Variants in ETV5 observed in about 807,000 individuals in gnomAD.
ETV5 encodes ETS translocation variant 5.
Under a neutral mutation model 70.0 loss-of-function variants are expected in ETV5, and 10 were observed. The observed-to-expected ratio is 0.14, with a 90% CI of 0.09 to 0.24. ETV5 has a LOEUF of 0.24. Ranked by LOEUF, ETV5 falls within the 10% of genes least tolerant of loss-of-function variation. The pLI is 1.00. For missense variants in ETV5, 453 were observed against 651.2 expected (o/e 0.70, Z 3.31); for synonymous variants, 216 against 242.2 (o/e 0.89, Z 1.01).
intron 5 of ETV5, among the ~76,000 whole-genome samples, chr3:186,104,457 A>T (rs1185427466): frequency 4.6e-5 from 7 of 152,336 alleles, no homozygotes; most frequent in African/African-American, 1.7e-4. Context: ...GAAAAGTAAG[A>T]GTAAATCAGG....
rs987900509 is a variant in ETV5 at position 186,057,034 on chromosome 3, A to G, written c.1209+41T>C. 6.3e-7 allele frequency: 1 copy of G among 1,592,040 alleles called. No homozygotes were observed. ...CTAAACAAAAAACATCATCAACAAC[A>G]ACAAATCAAAACCCGTCTGAGTCCA... is the stretch of plus-strand genomic sequence containing the variant. On this transcript the variant is annotated intron_variant, in intron 11 of 12. Transcript: ENST00000306376. This position sits in a 1 kb window ranked among gnomAD's most constrained non-coding sequence, Gnocchi z 4.9.
At chr3:186,056,641 C>G (rs1355114218) in intron 11 of ETV5, among the ~76,000 whole-genome samples, 2 of 152,176 alleles carry the variant, frequency 1.3e-5, no homozygotes, top group Non-Finnish European at 2.9e-5. Flanking sequence ...TTGAAATACA[C>G]AGTGGGTAGT....
chr3:186,048,438 T>G lies in ETV5; in HGVS notation c.*201A>C. On this transcript the variant is annotated 3_prime_UTR_variant, in exon 13 of 13. Coordinates refer to ENST00000306376, the MANE Select transcript of ETV5 (RefSeq NM_004454.3). ...AGTTGAGGCACTGGCCTTTTGGTGG[T>G]TTTCTGCCCCTCCCTGTTCCCACTC... 1 of 582,634 alleles carries G rather than the reference T, an allele frequency of 1.7e-6. No individual in the cohort carries two copies. Among genetic ancestry groups the G allele is most frequent in the East Asian group, 2.9e-5 (1 of 34,756 alleles). 36.1% of individuals were successfully genotyped at this position (582,634 alleles called of 1,614,324 possible).
intron 7 of ETV5, among the ~76,000 whole-genome samples, chr3:186,075,314 G>A (rs983248010): frequency 6.6e-6 from 1 of 152,180 alleles, no homozygotes; most frequent in African/African-American, 2.4e-5. Context: ...AGATGCATCA[G>A]GCACATTCAC....
chr3:186,108,766 C>A, intron 1 of ETV5, 174 bp downstream of exon 1: 1 of 663,900 alleles, frequency 1.5e-6, no homozygotes, highest in Non-Finnish European at 2.1e-6. Context: ...AGGAACCAAA[C>A]CGGACCGGGC....
chr3:186,078,384 T>A (rs1430849939), intron 7 of ETV5, among the ~76,000 whole-genome samples: 1 of 152,242 alleles, frequency 6.6e-6, no homozygotes, highest in Non-Finnish European at 1.5e-5. Context: ...ATCAGCAAGA[T>A]GCTGTTTAAA....
At chr3:186,100,309 G>A (rs1245449740) in intron 5 of ETV5, among the ~76,000 whole-genome samples, 2 of 152,036 alleles carry the variant, frequency 1.3e-5, no homozygotes, top group African/African-American at 4.8e-5. Context: ...TATTTTTAAA[G>A]TGCCCACTGT....
intron 11 of ETV5, among the ~76,000 whole-genome samples, 180 bp downstream of exon 11, chr3:186,056,895 C>G (rs1162141988): frequency 6.6e-6 from 1 of 152,204 alleles, no homozygotes; most frequent in Non-Finnish European, 1.5e-5. Context: ...CTCTGCCTGT[C>G]CATGTATTAG....
chr3:186,072,768 G>A (rs1343833519), intron 7 of ETV5, among the ~76,000 whole-genome samples: 1 of 152,232 alleles, frequency 6.6e-6, no homozygotes, highest in Admixed American at 6.5e-5. Context: ...TCAAATATGG[G>A]AGAGGGATGG....
intron 9 of ETV5, among the ~76,000 whole-genome samples, chr3:186,062,387 C>G (rs928166104): frequency 1.3e-5 from 2 of 152,154 alleles, no homozygotes; most frequent in African/African-American, 4.8e-5. Flanking sequence ...CCTTGGGAGG[C>G]CGAGGCGGGC....
At position 186,054,641 on chromosome 3, in the gene ETV5, C is replaced by T. The variant is rs1560044626; in HGVS notation, c.1209+2434G>A. Among the ~76,000 whole-genome samples the T allele has an allele frequency of 1.3e-5, 2 of 152,130 alleles. No homozygotes were observed. Among genetic ancestry groups the T allele is most frequent in the Non-Finnish European group, 2.9e-5 (2 of 68,036 alleles). ...GTGTAATGGATATTATGGATAATTA[C>T]CCAGAGTGCACTACTCAGCCACACA... On this transcript the variant is annotated intron_variant, in intron 11 of 12. Transcript: ENST00000306376. The surrounding 1 kb of genome is among the most constrained non-coding windows in gnomAD (Gnocchi z 4.4).
chr3:186,057,065 C>T lies in ETV5; in HGVS notation c.1209+10G>A. 1 of 1,610,484 alleles carries T rather than the reference C, an allele frequency of 6.2e-7. No individual in the cohort carries two copies. Among genetic ancestry groups the T allele is most frequent in the Non-Finnish European group, 8.5e-7 (1 of 1,177,298 alleles). ...TCAAAACCCGTCTGAGTCCAGCATC[C>T]AGTGCATACCTCTTCCGGTTCTATC... On this transcript the variant is annotated intron_variant, in intron 11 of 12. Coordinates refer to ENST00000306376, the MANE Select transcript of ETV5 (RefSeq NM_004454.3). This position sits in a 1 kb window ranked among gnomAD's most constrained non-coding sequence, Gnocchi z 4.9.
At chr3:186,069,501 GTTTT>G (rs370864275) in intron 7 of ETV5, among the ~76,000 whole-genome samples, 7,960 of 129,402 alleles carry the variant, frequency 0.062, 288 homozygotes, top group Non-Finnish European at 0.092. Context: ...AGACGAAGTT[GTTTT>G]TTTTTTTTTT....
intron 7 of ETV5, among the ~76,000 whole-genome samples, chr3:186,066,402 C>T (rs924395027): frequency 6.6e-6 from 1 of 151,930 alleles, no homozygotes; most frequent in East Asian, 1.9e-4. Flanking sequence ...GCAAATAGCA[C>T]TAACATATAC....
rs893927875 is a variant in ETV5, at chr3:186,064,205, A to G, written c.970+212T>C. ...AACCCTGCGTGCAAAATAATTGAAG[A>G]TTACAATCAATCAGCTCTCATATTC... On this transcript the variant is annotated intron_variant, in intron 9 of 12. Coordinates refer to ENST00000306376, the MANE Select transcript of ETV5 (RefSeq NM_004454.3). 83 of 590,758 alleles carry G rather than the reference A, an allele frequency of 1.4e-4. 1 individual carries two copies. The highest frequency in any genetic ancestry group is 1.4e-3 in the African/African-American group (75 of 53,782). The allele number at this position is 590,758 out of a possible 1,614,324, so 36.6% of individuals were successfully genotyped here. A position where few individuals can be genotyped will look rare whatever the true frequency, so the allele number is the denominator to read the frequency against.
At chr3:186,084,149 C>T (rs1267093593) in intron 5 of ETV5, 2 of 430,944 alleles carry the variant, frequency 4.6e-6, no homozygotes, top group African/African-American at 2.1e-5. Flanking sequence ...ATACCCTGTG[C>T]TTTCAAAAAT....
At chr3:186,070,922 G>A (rs1235656719) in intron 7 of ETV5, among the ~76,000 whole-genome samples, 2 of 152,120 alleles carry the variant, frequency 1.3e-5, no homozygotes, top group Admixed American at 1.3e-4. Flanking sequence ...GCCCAACAGA[G>A]TGCACGTGTA....
intron 12 of ETV5, among the ~76,000 whole-genome samples, chr3:186,049,380 G>T (rs372357170): frequency 6.6e-6 from 1 of 152,190 alleles, no homozygotes; most frequent in Non-Finnish European, 1.5e-5. Context: ...ATGACTCACC[G>T]CATGGCTCTG....
At chr3:186,065,141 T>C (rs1713409845) in intron 8 of ETV5, among the ~76,000 whole-genome samples, 1 of 152,168 alleles carries the variant, frequency 6.6e-6, no homozygotes, top group African/African-American at 2.4e-5. Context: ...ATTTGAGTTG[T>C]GTCCATGTGG....
Sources: gnomAD v4.1 joint callset for allele counts (sites outside exome capture counted in the v4.1 genomes callset) on GRCh38, gnomAD v4.1.1 for gene constraint, Gnocchi (gnomAD v3.1) non-coding constraint, MANE v1.5 for transcripts, NCBI Gene and HGNC (gene_info 2026-07-23, HGNC 2026-07-21) for gene names.